Variants in CNTN6 observed in about 807,000 individuals in gnomAD.
The protein encoded by CNTN6 is contactin 6, also known as contactin-6.
A neutral mutation model predicts 122.8 loss-of-function variants in CNTN6; 137 were observed. The observed-to-expected ratio is 1.12, with a 90% CI of 0.97 to 1.29. The LOEUF (loss-of-function observed/expected upper bound fraction) is 1.29, where lower values mean the gene tolerates loss of function less well. CNTN6 is among the 50% of genes most tolerant of loss of function. The probability of loss-of-function intolerance (pLI) is 0.00; values close to 1 mark genes in which losing one functional copy is unlikely to be tolerated. For missense variants in CNTN6, 1,634 were observed against 1,223.4 expected (o/e 1.34, Z -5.01); for synonymous variants, 570 against 426.0 (o/e 1.34, Z -4.16).
At chr3:1,319,012 C>G (rs754175530) in intron 7 of CNTN6, among the ~76,000 whole-genome samples, 6 of 151,348 alleles carry the variant, frequency 4.0e-5, no homozygotes, top group Non-Finnish European at 8.9e-5. Context: ...TTTCTTGTAT[C>G]AAAGGGAAAA....
intron 3 of CNTN6, among the ~76,000 whole-genome samples, chr3:1,226,368 A>C (rs1444908978): frequency 1.3e-5 from 2 of 152,128 alleles, no homozygotes; most frequent in African/African-American, 4.8e-5. Context: ...GATGACTGTG[A>C]TGGGGTTCAG....
intron 7 of CNTN6, among the ~76,000 whole-genome samples, chr3:1,312,319 A>AATATATAT (rs58013186): frequency 0.036 from 5,456 of 151,334 alleles, 131 homozygotes; most frequent in Middle Eastern, 0.058. Context: ...ATCCAAGAAG[A>AATATATAT]ATATATATAT....
In CNTN6 at chr3:1,147,999, G is replaced by T; in HGVS notation, c.-10G>T. On this transcript the variant is annotated 5_prime_UTR_variant, in exon 2 of 23. Coordinates refer to ENST00000446702, the MANE Select transcript of CNTN6 (RefSeq NM_001289080.2). ...TGTATGGGAGAAATTTTTGACCTTAGAAAGTGGAAATGAGGTTGCTATGGA... is the reference window on the plus strand; with the variant it reads ...TGTATGGGAGAAATTTTTGACCTTATAAAGTGGAAATGAGGTTGCTATGGA... The T allele has an allele frequency of 6.2e-7, 1 of 1,604,360 alleles. No individual in the cohort carries two copies. The highest frequency in any genetic ancestry group is 8.5e-7 in the Non-Finnish European group (1 of 1,172,730).
At chr3:1,200,975 G>GTGACTGGGC (rs2093857866) in intron 2 of CNTN6, among the ~76,000 whole-genome samples, 1 of 145,936 alleles carries the variant, frequency 6.9e-6, no homozygotes, top group Admixed American at 7.0e-5. Flanking sequence ...CGCCCAGGCT[G>GTGACTGGGC]GAGTACTGTG....
chr3:1,368,469 C>T (rs1708538422), intron 12 of CNTN6, among the ~76,000 whole-genome samples: 1 of 152,164 alleles, frequency 6.6e-6, no homozygotes, highest in Admixed American at 6.5e-5. Flanking sequence ...TTACTACAGT[C>T]TATAAAACAG....
chr3:1,383,656 AACAAAAAC>A (rs1692290722), intron 19 of CNTN6, among the ~76,000 whole-genome samples: 1 of 151,174 alleles, frequency 6.6e-6, no homozygotes, highest in African/African-American at 2.4e-5. Context: ...CAAAAACAAA[AACAAAAAC>A]AAAAAAAAAC....
chr3:1,300,555 GAAA>G (rs756030587), intron 7 of CNTN6, among the ~76,000 whole-genome samples: 14 of 80,896 alleles, frequency 1.7e-4, no homozygotes, highest in East Asian at 6.7e-4. Context: ...GAAAGAGAAA[GAAA>G]AAGAAAGAAA....
At chr3:1,107,663 A>G (rs1335725673) in intron 1 of CNTN6, among the ~76,000 whole-genome samples, 1 of 152,060 alleles carries the variant, frequency 6.6e-6, no homozygotes, top group African/African-American at 2.4e-5. Context: ...TGTGGTGGCT[A>G]ATTTCTGAAG....
chr3:1,256,964 CT>C (rs1433009968), intron 4 of CNTN6, among the ~76,000 whole-genome samples: 1 of 152,084 alleles, frequency 6.6e-6, no homozygotes, highest in African/African-American at 2.4e-5. Context: ...GATTAACAAC[CT>C]TTGAAAAATG....
At chr3:1,352,479 A>T (rs1452839792) in intron 12 of CNTN6, 28 bp downstream of exon 12, 1 of 1,607,562 alleles carries the variant, frequency 6.2e-7, no homozygotes, top group Non-Finnish European at 8.5e-7. Context: ...TTTGTGCTTG[A>T]TGAACATTGT....
chr3:1,138,067 C>A (rs1400139613), intron 1 of CNTN6, among the ~76,000 whole-genome samples: 2 of 152,230 alleles, frequency 1.3e-5, no homozygotes, highest in South Asian at 4.1e-4. Flanking sequence ...TTCACTGACC[C>A]TCATAAGTCA....
chr3:1,227,933 T>C lies in CNTN6; in HGVS notation c.298T>C (p.Cys100Arg), dbSNP rs1379243980. Residue 100 changes from cysteine to arginine, a missense_variant, in exon 4 of 23, where the codon TGC (cysteine) becomes CGC (arginine). Cys to Arg is a radical substitution (Grantham distance 180). Coordinates refer to ENST00000446702, the MANE Select transcript of CNTN6 (RefSeq NM_001289080.2). ...HTDQDIGMYQ[C>R]LATNLLGTIL... ...AGATCAAGATATTGGCATGTACCAG[T>C]GCCTGGCCACCAATCTTCTGGGGAC... 1.2e-6 allele frequency: 2 copies of C among 1,614,096 alleles called. No individual in the cohort carries two copies. Among genetic ancestry groups the C allele is most frequent in the South Asian group, 2.2e-5 (2 of 91,078 alleles).
At chr3:1,389,635 T>TCAAGA (rs1437469030) in intron 20 of CNTN6, among the ~76,000 whole-genome samples, 1 of 144,450 alleles carries the variant, frequency 6.9e-6, no homozygotes, top group Admixed American at 7.0e-5. Context: ...GGATAAACAG[T>TCAAGA]CAAGACCCAT....
intron 4 of CNTN6, among the ~76,000 whole-genome samples, chr3:1,230,063 C>T (rs912928872): frequency 3.3e-5 from 5 of 152,056 alleles, no homozygotes; most frequent in African/African-American, 4.8e-5. Flanking sequence ...CAGTCCCCAA[C>T]CAAATGGAAA....
intron 1 of CNTN6, among the ~76,000 whole-genome samples, chr3:1,106,521 TACACAC>T (rs57012485): frequency 2.0e-5 from 3 of 149,184 alleles, no homozygotes; most frequent in African/African-American, 7.3e-5. Flanking sequence ...CTGTCTGTAA[TACACAC>T]ACACACACAC....
intron 17 of CNTN6, among the ~76,000 whole-genome samples, chr3:1,378,486 T>G (rs1296919512): frequency 6.6e-6 from 1 of 152,156 alleles, no homozygotes; most frequent in Non-Finnish European, 1.5e-5. Context: ...CTGGATATCT[T>G]GTTTCATGTG....
At chr3:1,119,353 G>GTGTGTGTGTGTGTGTGTGTGT (rs377642286) in intron 1 of CNTN6, among the ~76,000 whole-genome samples, 40 of 150,244 alleles carry the variant, frequency 2.7e-4, no homozygotes, top group South Asian at 1.1e-3. Context: ...GTGTGTGTGT[G>GTGTGTGTGTGTGTGTGTGTGT]GAGAATGTCT....
chr3:1,263,922 T>C (rs373446211), intron 4 of CNTN6, among the ~76,000 whole-genome samples: 1 of 151,474 alleles, frequency 6.6e-6, no homozygotes, highest in Non-Finnish European at 1.5e-5. Flanking sequence ...TAGGCTGAGA[T>C]CTAAATGTCA....
chr3:1,378,493 T>C lies in CNTN6; in HGVS notation c.2166+1418T>C, dbSNP rs901943454. Among the ~76,000 whole-genome samples, 10 of 152,174 alleles carry C rather than the reference T, an allele frequency of 6.6e-5. No homozygotes were observed. The South Asian group carries it at 1.9e-3, about 28-fold the overall frequency. On this transcript the variant is annotated intron_variant, in intron 17 of 22. Coordinates refer to ENST00000446702, the MANE Select transcript of CNTN6 (RefSeq NM_001289080.2). ...CCTTTCCTCTGGATATCTTGTTTCA[T>C]GTGGACATTATAGGCCTAGCACAGT...
Sources: allele counts gnomAD v4.1 joint callset (sites outside exome capture counted in the v4.1 genomes callset), GRCh38; gene constraint gnomAD v4.1.1; transcripts MANE v1.5; gene names NCBI Gene and HGNC (gene_info 2026-07-23, HGNC 2026-07-21).